The following MFSD12 variants were observed in gnomAD, a reference collection of about 807,000 sequenced individuals.
MFSD12 encodes major facilitator superfamily domain-containing protein 12.
MFSD12 carries 67 observed loss-of-function variants against 51.2 expected under a neutral mutation model. The observed-to-expected ratio is 1.31, with a 90% CI of 1.08 to 1.60. The LOEUF is 1.60. MFSD12 is among the 40% of genes most tolerant of loss of function. The pLI is 0.00. For synonymous variants in MFSD12, 441 were observed against 316.7 expected, an observed-to-expected ratio of 1.39 and a Z score of -4.17; for missense variants, 921 against 673.0, an observed-to-expected ratio of 1.37 and a Z score of -4.08.
downstream of MFSD12, chr19:3,543,620 C>T: frequency 2.6e-6 from 4 of 1,544,796 alleles, no homozygotes; most frequent in South Asian, 1.2e-5. Context: ...GTACCAGGCC[C>T]CCAGCACCCG....
chr19:3,549,243 AG>A (rs1296111467), intron 2 of MFSD12, among the ~76,000 whole-genome samples: 1 of 152,188 alleles, frequency 6.6e-6, no homozygotes, highest in African/African-American at 2.4e-5. Context: ...TGTAATAGAA[AG>A]AATTCTAAGG....
chr19:3,543,520 G>T, downstream of MFSD12: 1 of 1,529,350 alleles, frequency 6.5e-7, no homozygotes, highest in South Asian at 1.2e-5. Context: ...GCCAGAGGGG[G>T]ACAGGAATGA....
chr19:3,553,484 A>AT (rs1226456106), intron 1 of MFSD12, among the ~76,000 whole-genome samples: 1 of 150,148 alleles, frequency 6.7e-6, no homozygotes, highest in Admixed American at 6.6e-5. Context: ...AAAAAAAAAA[A>AT]AAGGCCGGGC....
At chr19:3,543,953 A>T, downstream of MFSD12, 1 of 1,550,126 alleles carries the variant, frequency 6.5e-7, no homozygotes, top group Non-Finnish European at 8.7e-7. Context: ...TCCTGGAACC[A>T]TACTGCCCCT....
intron 1 of MFSD12, among the ~76,000 whole-genome samples, chr19:3,553,728 C>CAAAAAAAAAAAAAAAA (rs35093968): frequency 1.6e-5 from 1 of 61,330 alleles, no homozygotes; most frequent in Non-Finnish European, 2.7e-5. Context: ...CTCCATCTCT[C>CAAAAAAAAAAAAAAAA]AAAAAAAAAA....
chr19:3,546,837 G>A (rs932803684), intron 6 of MFSD12, among the ~76,000 whole-genome samples: 1 of 152,048 alleles, frequency 6.6e-6, no homozygotes, highest in East Asian at 1.9e-4. Flanking sequence ...CAGATCTGGG[G>A]CTTTTTTTTT....
chr19:3,557,323 C>T lies in MFSD12; in HGVS notation c.81G>A (p.Val27=). 6 of 1,580,548 alleles carry T rather than the reference C, an allele frequency of 3.8e-6. No homozygotes were observed. The highest frequency in any genetic ancestry group is 3.5e-5 in the South Asian group (3 of 86,642). Residue 27 remains valine (V), a synonymous_variant, in exon 1 of 10, where the codon GTG becomes GTA. Coordinates refer to ENST00000355415, the MANE Select transcript of MFSD12 (RefSeq NM_174983.5). ...LSLVARLSYA[V]GHFLNDLCAS... ...CGCACAGGTCGTTGAGGAAGTGGCC[C>T]ACGGCGTAGCTCAGCCGCGCCACCA... is the stretch of plus-strand genomic sequence containing the variant.
rs180678845 is a variant in MFSD12 at position 3,553,036 on chromosome 19, C to A, written c.299-1842G>T. Among the ~76,000 whole-genome samples the A allele has an allele frequency of 1.0e-3, 156 of 152,304 alleles. 1 individual carries two copies. The highest frequency in any genetic ancestry group is 3.7e-3 in the African/African-American group (155 of 41,568). On this transcript the variant is annotated intron_variant, in intron 1 of 9. Coordinates refer to ENST00000355415, the MANE Select transcript of MFSD12 (RefSeq NM_174983.5). ...ACCTCATCCCCAGACCCTGGGCCCG[C>A]CCCCAGAGAACTGGAATTGGGAAGT...
chr19:3,547,090 G>A (rs1375772240), intron 6 of MFSD12, among the ~76,000 whole-genome samples, 182 bp downstream of exon 6: 4 of 152,092 alleles, frequency 2.6e-5, no homozygotes, highest in Admixed American at 6.6e-5. Context: ...CGCCCGCCTC[G>A]GCCTCCCAAA....
At chr19:3,553,304 G>T (rs1233295868) in intron 1 of MFSD12, among the ~76,000 whole-genome samples, 19 of 151,936 alleles carry the variant, frequency 1.3e-4, no homozygotes, top group Admixed American at 1.2e-3. Context: ...CTAGGCCTCA[G>T]TTTTCAGAAA....
intron 1 of MFSD12, among the ~76,000 whole-genome samples, chr19:3,553,263 C>T (rs1305993346): frequency 6.6e-6 from 1 of 152,046 alleles, no homozygotes; most frequent in Non-Finnish European, 1.5e-5. Context: ...GCTGCCTGGC[C>T]TGGGGACCTC....
intron 4 of MFSD12, chr19:3,539,051 G>GGCCACCTCACCCC: frequency 1.5e-6 from 1 of 660,262 alleles, no homozygotes; most frequent in Non-Finnish European, 2.7e-6. Context: ...CTTCCCTCGA[G>GGCCACCTCACCCC]GCCACCTCAC....
Position 3,544,337 on chromosome 19 carries a change from C to T in MFSD12, c.*373G>A. 7.9e-7 allele frequency: 1 copy of T among 1,273,588 alleles called. No homozygotes were observed. Among genetic ancestry groups the T allele is most frequent in the Non-Finnish European group, 9.9e-7 (1 of 1,009,456 alleles). The allele number at this position is 1,273,588 out of a possible 1,614,324, so 78.9% of individuals were successfully genotyped here. A position where few individuals can be genotyped will look rare whatever the true frequency, so the allele number is the denominator to read the frequency against. On this transcript the variant is annotated 3_prime_UTR_variant, in exon 10 of 10. Transcript: ENST00000355415. ...AGGCTCCAGCCGTCCTGAGGGGGCCCTGGCAGTGTCTGGAGACCCCCAGGC... is the reference window on the plus strand; with the variant it reads ...AGGCTCCAGCCGTCCTGAGGGGGCCTTGGCAGTGTCTGGAGACCCCCAGGC...
chr19:3,557,146 G>T lies in MFSD12; in HGVS notation c.258C>A (p.Cys86Ter). ...CCTTGCGCGGGCCGTAGCGGGCGCAGCAGCTGGCGGCGCGGTCGGCCTCGT... is the reference window on the plus strand; with the variant it reads ...CCTTGCGCGGGCCGTAGCGGGCGCATCAGCTGGCGGCGCGGTCGGCCTCGT... ...VGYEADRAAS[C>*]CARYGPRKAW... The change falls in exon 1 of 10, where the codon TGC (cysteine) becomes TGA (stop). Residue 86 changes from cysteine to a stop codon, truncating the protein, a stop_gained. Coordinates refer to ENST00000355415, the MANE Select transcript of MFSD12 (RefSeq NM_174983.5). LOFTEE classifies it high-confidence loss of function. 1 of 1,514,356 alleles carries T rather than the reference G, an allele frequency of 6.6e-7. No homozygotes were observed. 93.8% of individuals were successfully genotyped at this position (1,514,356 alleles called of 1,614,324 possible).
chr19:3,550,452 C>CAG (rs2031407760), intron 2 of MFSD12, among the ~76,000 whole-genome samples: 1 of 150,986 alleles, frequency 6.6e-6, no homozygotes, highest in South Asian at 2.1e-4. Flanking sequence ...AGTGCAGTGG[C>CAG]GCTATCTTGG....
rs5826823 is a variant in MFSD12 at position 3,549,723 on chromosome 19, C to CAAA, written c.509+1258_509+1260dup. On this transcript the variant is annotated intron_variant, in intron 2 of 9. Transcript: ENST00000355415. ...GGGTGACAGAGTGAGACTCTTGTCT[C>CAAA]AAAAAAAAAAAAAAAAAAAGCCAGG... Among the ~76,000 whole-genome samples the CAAA allele has an allele frequency of 4.0e-4, 35 of 87,424 alleles. 1 individual carries two copies. The highest frequency in any genetic ancestry group is 1.3e-3 in the Admixed American group (11 of 8,242). 57.4% of individuals were successfully genotyped at this position (87,424 alleles called of 152,430 possible).
chr19:3,539,599 C>T (rs888969910), downstream of MFSD12: 1 of 293,482 alleles, frequency 3.4e-6, no homozygotes, highest in African/African-American at 2.1e-5. Flanking sequence ...GAGTCTGTCC[C>T]ACACCTCTTG....
Position 3,544,865 on chromosome 19 carries a change from A to G in MFSD12, c.1364T>C (p.Val455Ala), listed in dbSNP as rs987359921. Residue 455 changes from valine (V) to alanine (A), a missense_variant, in exon 9 of 10, where the codon GTG becomes GCG. Coordinates refer to ENST00000355415, the MANE Select transcript of MFSD12 (RefSeq NM_174983.5). The part of the protein sequence containing the change: ...AMVAVTGGVG[V>A]AAALCLCSLL... ...GCTACAGAGACACAGGGCAGCGGCC[A>G]CGCCCACGCCGCCCGTCACAGCCAC... 13 of 1,611,360 alleles carry G rather than the reference A, an allele frequency of 8.1e-6. No homozygotes were observed. In the African/African-American group the frequency reaches 1.5e-4, roughly 18 times the overall value.
intron 2 of MFSD12, 129 bp from the exon 3 acceptor site, chr19:3,548,396 T>G: frequency 2.4e-6 from 3 of 1,255,766 alleles, no homozygotes; most frequent in Non-Finnish European, 3.3e-6. Flanking sequence ...ACTGCCACAC[T>G]GGGTGGCCTC....
Sources: gnomAD v4.1 joint callset for allele counts (sites outside exome capture counted in the v4.1 genomes callset) on GRCh38, gnomAD v4.1.1 for gene constraint, MANE v1.5 for transcripts, NCBI Gene and HGNC (gene_info 2026-07-23, HGNC 2026-07-21) for gene names.